The following CSMD2 variants were observed in gnomAD, a reference collection of about 807,000 sequenced individuals.
CSMD2 encodes the protein CUB and sushi domain-containing protein 2.
A neutral mutation model predicts 398.5 loss-of-function variants in CSMD2; 130 were observed. That is an observed-to-expected ratio of 0.33 (90% CI 0.28 to 0.38). The LOEUF is 0.38. Among genes scored for constraint, CSMD2 ranks in the 10% least tolerant of loss-of-function variants. CSMD2 has a pLI of 1.00. For missense variants in CSMD2, 3,829 were observed against 4,764.9 expected (o/e 0.80, Z 5.78); for synonymous variants, 1,828 against 1,908.5 (o/e 0.96, Z 1.10).
At chr1:34,127,310 A>G (rs1662851010) in intron 1 of CSMD2, among the ~76,000 whole-genome samples, 1 of 152,236 alleles carries the variant, frequency 6.6e-6, no homozygotes, top group Admixed American at 6.5e-5. Context: ...TCAGGGCCCA[A>G]AAAGCTTCTA....
intron 51 of CSMD2, among the ~76,000 whole-genome samples, chr1:33,570,497 C>G (rs1659500030): frequency 6.6e-6 from 1 of 152,024 alleles, no homozygotes; most frequent in East Asian, 1.9e-4. Flanking sequence ...CTCCTCCTTC[C>G]CAGTTTCAAA....
At chr1:34,080,139 A>G (rs1656897974) in intron 2 of CSMD2, among the ~76,000 whole-genome samples, 1 of 151,316 alleles carries the variant, frequency 6.6e-6, no homozygotes, top group Non-Finnish European at 1.5e-5. Context: ...AAAAAAAAAA[A>G]AAAGGAGAGA....
chr1:34,164,774 T>G lies in CSMD2; in HGVS notation c.187+137A>C. On this transcript the variant is annotated intron_variant, in intron 1 of 70. Coordinates refer to ENST00000373381, the MANE Select transcript of CSMD2 (RefSeq NM_001281956.2). This position sits in a 1 kb window ranked among gnomAD's most constrained non-coding sequence, Gnocchi z 6.2. ...ACGGAGGCAGGGATGAGAATGAGAG[T>G]AGGCAACTGGGAGGGTGGGAGATTC... 6.9e-6 allele frequency: 5 copies of G among 726,238 alleles called. No homozygotes were observed. Among genetic ancestry groups the G allele is most frequent in the Middle Eastern group, 4.9e-4 (1 of 2,060 alleles). The allele number at this position is 726,238 out of a possible 1,614,324, so 45.0% of individuals were successfully genotyped here.
At position 34,033,340 on chromosome 1, in the gene CSMD2, C is replaced by T. The variant is rs868554901; in HGVS notation, c.405-634G>A. On this transcript the variant is annotated intron_variant, in intron 2 of 70. Transcript: ENST00000373381. ...TACAAATGGGATCAAACTGTGCGTGCTATTAAAATTAAAATGTTTAAATTT... is the reference window on the plus strand; with the variant it reads ...TACAAATGGGATCAAACTGTGCGTGTTATTAAAATTAAAATGTTTAAATTT... Among the ~76,000 whole-genome samples, 5 of 152,254 alleles carry T rather than the reference C, an allele frequency of 3.3e-5. No individual in the cohort carries two copies. The South Asian group carries it at 6.2e-4, about 19-fold the overall frequency.
At chr1:33,939,302 C>G (rs113040794) in intron 3 of CSMD2, among the ~76,000 whole-genome samples, 1 of 152,110 alleles carries the variant, frequency 6.6e-6, no homozygotes, top group African/African-American at 2.4e-5. Flanking sequence ...TCCCATGATG[C>G]CCTGCTGCTG....
intron 64 of CSMD2, among the ~76,000 whole-genome samples, chr1:33,528,335 C>T (rs1004478509): frequency 6.6e-6 from 1 of 152,236 alleles, no homozygotes. Flanking sequence ...GTATTAATGT[C>T]TTTTCTTCTT....
intron 1 of CSMD2, among the ~76,000 whole-genome samples, chr1:34,102,118 C>A (rs1156251718): frequency 6.6e-6 from 1 of 152,024 alleles, no homozygotes. Context: ...GCAAGCTCCG[C>A]TTCCCAGGTT....
chr1:33,535,563 CAT>C, intron 62 of CSMD2, among the ~76,000 whole-genome samples: 1 of 152,322 alleles, frequency 6.6e-6, no homozygotes, highest in African/African-American at 2.4e-5. Context: ...TTCTTGGTGA[CAT>C]GTGCAAGAGT....
At chr1:34,160,356 A>T (rs374065826) in intron 1 of CSMD2, among the ~76,000 whole-genome samples, 7 of 152,352 alleles carry the variant, frequency 4.6e-5, no homozygotes, top group African/African-American at 1.4e-4. Flanking sequence ...GTGACTGAGT[A>T]GTGAAACGCC....
At chr1:33,525,518 A>G (rs1654690737) in intron 65 of CSMD2, among the ~76,000 whole-genome samples, 1 of 152,222 alleles carries the variant, frequency 6.6e-6, no homozygotes, top group African/African-American at 2.4e-5. Context: ...ATTGGAGTAG[A>G]GAGTAGAATG....
chr1:33,693,575 C>A (rs1264808475), intron 24 of CSMD2, among the ~76,000 whole-genome samples: 1 of 152,170 alleles, frequency 6.6e-6, no homozygotes, highest in South Asian at 2.1e-4. Flanking sequence ...TATGACCTAG[C>A]AATTCTGCTC....
chr1:33,725,328 C>T (rs1270528611), intron 17 of CSMD2, 21 bp downstream of exon 17: 2 of 1,610,788 alleles, frequency 1.2e-6, no homozygotes, highest in Admixed American at 1.7e-5. Context: ...CATCCCTTTT[C>T]CTGAGCCCAC....
At chr1:33,619,980 G>C (rs934750998) in intron 37 of CSMD2, among the ~76,000 whole-genome samples, 2 of 152,330 alleles carry the variant, frequency 1.3e-5, no homozygotes, top group Admixed American at 6.5e-5. Context: ...TTACTGTCCA[G>C]TGATGGAGAG....
chr1:33,666,869 G>A (rs1300319634), intron 25 of CSMD2, among the ~76,000 whole-genome samples: 10 of 152,248 alleles, frequency 6.6e-5, no homozygotes, highest in African/African-American at 1.2e-4. Flanking sequence ...GTGGCTGTAC[G>A]TGCTCTCAGA....
At chr1:33,765,539 A>C (rs762225588) in intron 13 of CSMD2, among the ~76,000 whole-genome samples, 1 of 152,352 alleles carries the variant, frequency 6.6e-6, no homozygotes, top group Non-Finnish European at 1.5e-5. Context: ...TTATACATTC[A>C]TCTAAGTAAA....
intron 3 of CSMD2, among the ~76,000 whole-genome samples, chr1:33,964,690 T>C (rs1288558283): frequency 6.6e-6 from 1 of 152,108 alleles, no homozygotes; most frequent in African/African-American, 2.4e-5. Flanking sequence ...ACCCCTCCCA[T>C]CATATGAAAG....
intron 9 of CSMD2, among the ~76,000 whole-genome samples, chr1:33,811,455 C>T (rs1175218803): frequency 1.3e-5 from 2 of 152,106 alleles, no homozygotes; most frequent in African/African-American, 4.8e-5. Context: ...TCCATTAGGT[C>T]TCAGAATGTC....
intron 58 of CSMD2, 146 bp from the exon 59 acceptor site, chr1:33,541,455 A>G (rs747502078): frequency 1.5e-6 from 1 of 661,648 alleles, no homozygotes; most frequent in Non-Finnish European, 2.6e-6. Context: ...TCCCAGTTGG[A>G]CATTACCCAT....
At chr1:33,854,270 G>A (rs1638916402) in intron 5 of CSMD2, among the ~76,000 whole-genome samples, 1 of 152,188 alleles carries the variant, frequency 6.6e-6, no homozygotes, top group African/African-American at 2.4e-5. Context: ...GACAGGAGCT[G>A]TTTCTTTCTT....
Sources: gnomAD v4.1 joint callset for allele counts (sites outside exome capture counted in the v4.1 genomes callset) on GRCh38, gnomAD v4.1.1 for gene constraint, Gnocchi (gnomAD v3.1) non-coding constraint, MANE v1.5 for transcripts, NCBI Gene and HGNC (gene_info 2026-07-23, HGNC 2026-07-21) for gene names.